The following YWHAQ variants were observed in gnomAD, a reference collection of about 807,000 sequenced individuals.
The protein encoded by YWHAQ is tyrosine 3-monooxygenase/tryptophan 5-monooxygenase activation protein theta, also known as 14-3-3 protein theta.
YWHAQ carries 6 observed loss-of-function variants against 28.3 expected under a neutral mutation model. That is an observed-to-expected ratio of 0.21 (90% confidence interval 0.12 to 0.42). The LOEUF (loss-of-function observed/expected upper bound fraction) is 0.42. Among genes scored for constraint, YWHAQ ranks in the 10% least tolerant of loss-of-function variants. YWHAQ has a pLI of 1.00. For missense variants in YWHAQ, 201 were observed against 305.6 expected, an observed-to-expected ratio of 0.66 and a Z score of 2.55; for synonymous variants, 143 against 119.1, an observed-to-expected ratio of 1.20 and a Z score of -1.31.
intron 2 of YWHAQ, among the ~76,000 whole-genome samples, chr2:9,624,167 G>A (rs1033864950): frequency 6.6e-6 from 1 of 152,120 alleles, no homozygotes; most frequent in Non-Finnish European, 1.5e-5. Flanking sequence ...GAGGTGGGAG[G>A]ATGGCTCGAG....
intron 2 of YWHAQ, among the ~76,000 whole-genome samples, chr2:9,621,454 T>C (rs1003095083): frequency 6.6e-6 from 1 of 152,202 alleles, no homozygotes; most frequent in African/African-American, 2.4e-5. Context: ...CCCCAATACA[T>C]GGCAACCAAC....
At position 9,618,252 on chromosome 2, in the gene YWHAQ, A is replaced by T. The variant is rs546284699; in HGVS notation, c.294+11907T>A. On this transcript the variant is annotated intron_variant, in intron 2 of 5. Transcript: ENST00000238081. ...AAAAAGGTAAAATTTATGGTATTTGAATTATATTTAATTTTAAAATATATG... is the reference window on the plus strand; with the variant it reads ...AAAAAGGTAAAATTTATGGTATTTGTATTATATTTAATTTTAAAATATATG... Among the ~76,000 whole-genome samples the T allele has an allele frequency of 1.6e-3, 238 of 152,368 alleles. 3 individuals carry two copies. Among genetic ancestry groups the T allele is most frequent in the South Asian group, 1.7e-3 (8 of 4,828 alleles).
intron 2 of YWHAQ, among the ~76,000 whole-genome samples, chr2:9,624,262 A>G (rs1292863719): frequency 6.6e-6 from 1 of 152,222 alleles, no homozygotes; most frequent in Non-Finnish European, 1.5e-5. Context: ...TCTCAAAAAT[A>G]AAAACAAATC....
intron 5 of YWHAQ, among the ~76,000 whole-genome samples, chr2:9,586,995 C>T (rs1205422212): frequency 6.6e-6 from 1 of 152,128 alleles, no homozygotes; most frequent in African/African-American, 2.4e-5. Flanking sequence ...TCCCTAAATG[C>T]TTGTAGAACA....
intron 2 of YWHAQ, among the ~76,000 whole-genome samples, chr2:9,616,797 A>C (rs1667049549): frequency 6.6e-6 from 1 of 152,242 alleles, no homozygotes; most frequent in Non-Finnish European, 1.5e-5. Context: ...TTCGGAAAAC[A>C]ATCTGGCAGT....
intron 2 of YWHAQ, among the ~76,000 whole-genome samples, chr2:9,611,680 T>C (rs1572999587): frequency 2.0e-5 from 3 of 152,124 alleles, no homozygotes; most frequent in Admixed American, 6.6e-5. Context: ...TTCTATACTC[T>C]TTTTTTGAGG....
intron 2 of YWHAQ, among the ~76,000 whole-genome samples, chr2:9,616,361 T>C (rs948619594): frequency 2.0e-5 from 3 of 151,072 alleles, no homozygotes; most frequent in South Asian, 2.1e-4. Context: ...TGATAAAACT[T>C]AGAAGAAATC....
intron 2 of YWHAQ, among the ~76,000 whole-genome samples, chr2:9,625,664 G>A (rs1558552310): frequency 1.3e-5 from 2 of 152,158 alleles, no homozygotes; most frequent in South Asian, 2.1e-4. Flanking sequence ...CTGAAACAGA[G>A]ATACTATCAA....
chr2:9,605,808 C>CCT (rs1558546302), intron 2 of YWHAQ, among the ~76,000 whole-genome samples: 2 of 147,168 alleles, frequency 1.4e-5, no homozygotes, highest in East Asian at 3.9e-4. Context: ...GTGATCTGCC[C>CCT]GCTGTGGCCT....
intron 2 of YWHAQ, among the ~76,000 whole-genome samples, chr2:9,623,540 G>C (rs1464900840): frequency 6.6e-6 from 1 of 152,134 alleles, no homozygotes; most frequent in Admixed American, 6.5e-5. Flanking sequence ...TTGGGAAGCC[G>C]AGGCGGGAGG....
chr2:9,597,634 C>CAAAAA (rs562319001), intron 2 of YWHAQ, among the ~76,000 whole-genome samples: 48 of 75,210 alleles, frequency 6.4e-4, no homozygotes, highest in African/African-American at 7.4e-4. Context: ...AACTCCGTCT[C>CAAAAA]AAAAAAAAAA....
intron 2 of YWHAQ, among the ~76,000 whole-genome samples, chr2:9,611,553 C>T (rs889990300): frequency 7.2e-5 from 11 of 152,206 alleles, no homozygotes; most frequent in African/African-American, 2.4e-4. Context: ...CCCTCCCGCT[C>T]CATCTTTTGG....
At chr2:9,599,783 C>T (rs1666652945) in intron 2 of YWHAQ, among the ~76,000 whole-genome samples, 1 of 152,154 alleles carries the variant, frequency 6.6e-6, no homozygotes, top group Non-Finnish European at 1.5e-5. Flanking sequence ...TTCATGCCTG[C>T]TCACATAAAA....
intron 2 of YWHAQ, among the ~76,000 whole-genome samples, chr2:9,599,842 A>G (rs1331571408): frequency 1.3e-5 from 2 of 152,248 alleles, no homozygotes; most frequent in African/African-American, 4.8e-5. Context: ...TCAACTTTCA[A>G]GTGGAATTAT....
chr2:9,608,981 C>T (rs1666892119), intron 2 of YWHAQ, among the ~76,000 whole-genome samples: 1 of 152,104 alleles, frequency 6.6e-6, no homozygotes, highest in Admixed American at 6.6e-5. Context: ...AACAAAAATA[C>T]TCAAGGGACG....
chr2:9,590,113 C>CGA (rs1333805831), intron 3 of YWHAQ, among the ~76,000 whole-genome samples: 4 of 152,198 alleles, frequency 2.6e-5, no homozygotes, highest in African/African-American at 9.7e-5. Flanking sequence ...GAATCGCAGC[C>CGA]TATCAGAATG....
chr2:9,610,930 C>A (rs1458780215), intron 2 of YWHAQ, among the ~76,000 whole-genome samples: 1 of 152,144 alleles, frequency 6.6e-6, no homozygotes, highest in African/African-American at 2.4e-5. Context: ...CTAGGAGTCA[C>A]CCTACTCTTT....
chr2:9,591,016 G>C (rs760322484), intron 3 of YWHAQ, among the ~76,000 whole-genome samples: 1 of 152,198 alleles, frequency 6.6e-6, no homozygotes, highest in Non-Finnish European at 1.5e-5. Flanking sequence ...AATTTCCAGT[G>C]ATCTGAAGTT....
chr2:9,599,377 A>T (rs192937023), intron 2 of YWHAQ, among the ~76,000 whole-genome samples: 1 of 152,192 alleles, frequency 6.6e-6, no homozygotes, highest in Non-Finnish European at 1.5e-5. Flanking sequence ...ACAAAATACC[A>T]TATTTCCAAT....
Sources: allele counts gnomAD v4.1 joint callset (sites outside exome capture counted in the v4.1 genomes callset), GRCh38; gene constraint gnomAD v4.1.1; transcripts MANE v1.5; gene names NCBI Gene and HGNC (gene_info 2026-07-23, HGNC 2026-07-21).